The following TF variants were observed in gnomAD, a reference collection of about 807,000 sequenced individuals.
The protein encoded by TF is transferrin, also known as serotransferrin.
TF carries 55 observed loss-of-function variants against 82.4 expected under a neutral mutation model. The ratio of observed to expected loss-of-function variants is 0.67; its 90% CI spans 0.54 to 0.84. The LOEUF is 0.84. Ranked by LOEUF, TF falls within the 40% of genes least tolerant of loss-of-function variation. TF has a pLI of 0.00. For missense variants in TF, 737 were observed against 868.4 expected (o/e 0.85, Z 1.90); for synonymous variants, 332 against 332.6 (o/e 1.00, Z 0.02).
At chr3:133,683,549 A>G in the TF span, among the ~76,000 whole-genome samples, 3 of 152,338 alleles carry the variant, frequency 2.0e-5, no homozygotes, top group South Asian at 6.2e-4. Context: ...AGTGGTTGCA[A>G]TCCTAGTCTC....
At chr3:133,673,574 C>A in the TF span, among the ~76,000 whole-genome samples, 1 of 152,208 alleles carries the variant, frequency 6.6e-6, no homozygotes, top group East Asian at 1.9e-4. Context: ...TCACACATAG[C>A]ATCTCCAGTG....
At chr3:133,763,998 T>C (rs1934061663) in intron 9 of TF, among the ~76,000 whole-genome samples, 184 bp from the exon 10 acceptor site, 1 of 152,202 alleles carries the variant, frequency 6.6e-6, no homozygotes, top group Non-Finnish European at 1.5e-5. Flanking sequence ...TGGGTGAAAA[T>C]GAGAGTACAT....
the TF span, among the ~76,000 whole-genome samples, chr3:133,723,637 T>TTTATTATTATTATTA: frequency 4.0e-4 from 57 of 143,566 alleles, no homozygotes; most frequent in African/African-American, 9.4e-4. Flanking sequence ...GTTTGGTTCT[T>TTTATTATTATTATTA]TTATTATTAT....
Position 133,779,676 on chromosome 3 carries a change from C to G in TF, c.*1056C>G, listed in dbSNP as rs1371666937. On this transcript the variant is annotated 3_prime_UTR_variant, in exon 17 of 17. Coordinates refer to ENST00000402696, the MANE Select transcript of TF (RefSeq NM_001063.4). ...TTGCAGGCCCTCCTTCAGTGATGCT[C>G]ATGACTCCTAGGCATCTGTATCTAT... The G allele has an allele frequency of 1.3e-5, 2 of 152,508 alleles. No individual in the cohort carries two copies. The highest frequency in any genetic ancestry group is 4.8e-5 in the African/African-American group (2 of 41,436). The allele number at this position is 152,508 out of a possible 1,614,324, so 9.4% of individuals were successfully genotyped here. A position where few individuals can be genotyped will look rare whatever the true frequency, so the allele number is the denominator to read the frequency against.
the TF span, among the ~76,000 whole-genome samples, chr3:133,669,056 A>G: frequency 6.6e-6 from 1 of 151,676 alleles, no homozygotes; most frequent in South Asian, 2.1e-4. Context: ...GGTGGAGTGC[A>G]ATGGCGCGAT....
At chr3:133,698,333 C>T in the TF span, among the ~76,000 whole-genome samples, 2 of 152,200 alleles carry the variant, frequency 1.3e-5, no homozygotes, top group Non-Finnish European at 2.9e-5. Context: ...CAAGACTTTC[C>T]ATCCAGTAAC....
At chr3:133,733,140 A>C in the TF span, among the ~76,000 whole-genome samples, 1 of 152,166 alleles carries the variant, frequency 6.6e-6, no homozygotes, top group African/African-American at 2.4e-5. Flanking sequence ...CATCTATCAG[A>C]ATTTATTCTT....
At chr3:133,680,533 C>CT in the TF span, among the ~76,000 whole-genome samples, 31,956 of 145,154 alleles carry the variant, frequency 0.22, 3,886 homozygotes, top group African/African-American at 0.32. Flanking sequence ...CTTTTCTTTT[C>CT]TTTTTTTTTT....
At chr3:133,728,417 C>T in the TF span, among the ~76,000 whole-genome samples, 2 of 152,026 alleles carry the variant, frequency 1.3e-5, no homozygotes, top group Non-Finnish European at 2.9e-5. Context: ...TCTTCCATCA[C>T]TGATACCCTT....
intron 8 of TF, among the ~76,000 whole-genome samples, chr3:133,758,907 GA>G (rs1933909604): frequency 6.6e-6 from 1 of 151,934 alleles, no homozygotes; most frequent in Admixed American, 6.6e-5. Context: ...AAACAAGAAG[GA>G]AAAAAACAGC....
At chr3:133,707,190 T>A in the TF span, among the ~76,000 whole-genome samples, 10 of 144,716 alleles carry the variant, frequency 6.9e-5, no homozygotes, top group African/African-American at 1.6e-4. Context: ...AACCTCAGAG[T>A]CACACACACA....
Position 133,754,621 on chromosome 3 carries a change from T to G in TF, c.452T>G (p.Ile151Arg). The G allele has an allele frequency of 6.2e-7, 1 of 1,614,212 alleles. No homozygotes were observed. The highest frequency in any genetic ancestry group is 8.5e-7 in the Non-Finnish European group (1 of 1,180,022). ...LGRSAGWNIPIGLLYCDLPEP... is the reference protein window; with the variant it reads ...LGRSAGWNIPRGLLYCDLPEP... ...AGGTCCGCTGGGTGGAACATCCCCA[T>G]AGGCTTACTTTACTGTGACTTACCT... The change falls in exon 4 of 17, where the codon ATA becomes AGA. Residue 151 changes from isoleucine (I) to arginine (R), a missense_variant. Physicochemically the swap from Ile to Arg is moderately conservative, Grantham distance 97. Coordinates refer to ENST00000402696, the MANE Select transcript of TF (RefSeq NM_001063.4).
At chr3:133,751,229 C>CTT (rs59638732) in intron 2 of TF, among the ~76,000 whole-genome samples, 21 of 95,970 alleles carry the variant, frequency 2.2e-4, no homozygotes, top group East Asian at 7.0e-4. Flanking sequence ...TAAGATTCCA[C>CTT]TTTTTTTTTT....
chr3:133,746,842 T>G (rs1217727809), intron 1 of TF, among the ~76,000 whole-genome samples: 1 of 152,204 alleles, frequency 6.6e-6, no homozygotes, highest in African/African-American at 2.4e-5. Flanking sequence ...ACCATTCCCC[T>G]TTCAGAGGCT....
intron 16 of TF, chr3:133,778,092 G>A (rs191752694): frequency 7.5e-4 from 126 of 169,070 alleles, no homozygotes; most frequent in African/African-American, 2.9e-3. Context: ...AAGCAGCAAT[G>A]TGCTTGTCTA....
the TF span, among the ~76,000 whole-genome samples, chr3:133,725,940 T>C: frequency 6.6e-6 from 1 of 152,220 alleles, no homozygotes; most frequent in Non-Finnish European, 1.5e-5. Context: ...TTTGGTTCTG[T>C]TTATATGCTG....
upstream of TF, among the ~76,000 whole-genome samples, chr3:133,744,588 C>T (rs1933454765): frequency 6.6e-6 from 1 of 152,172 alleles, no homozygotes; most frequent in Non-Finnish European, 1.5e-5. Context: ...GTCTTCTTTC[C>T]CTATGGCTCA....
rs939213210 is a variant in TF, at chr3:133,796,364, G to A, written c.*17744G>A. On this transcript the variant is annotated 3_prime_UTR_variant, in exon 17 of 17. Coordinates refer to ENST00000402696, the MANE Select transcript of TF (RefSeq NM_001063.4). The stretch of plus-strand genomic sequence containing the variant: ...GATTTATGGGGATCCCATCTCTGGA[G>A]GGAAATGAGGCAGAAGAATAGGGTC... The A allele has an allele frequency of 2.6e-5, 4 of 152,228 alleles. No individual in the cohort carries two copies. Among genetic ancestry groups the A allele is most frequent in the African/African-American group, 7.2e-5 (3 of 41,462 alleles). 9.4% of individuals were successfully genotyped at this position (152,228 alleles called of 1,614,324 possible).
intron 11 of TF, 111 bp from the exon 12 acceptor site, chr3:133,766,167 C>A: frequency 9.5e-7 from 1 of 1,047,924 alleles, no homozygotes. Flanking sequence ...CCTCTCAAGA[C>A]ACAATGACTG....
Sources: gnomAD v4.1 joint callset for allele counts (sites outside exome capture counted in the v4.1 genomes callset) on GRCh38, gnomAD v4.1.1 for gene constraint, MANE v1.5 for transcripts, NCBI Gene and HGNC (gene_info 2026-07-23, HGNC 2026-07-21) for gene names.